The following UBE2E2 variants were observed in gnomAD, a reference collection of about 807,000 sequenced individuals.
The protein encoded by UBE2E2 is ubiquitin-conjugating enzyme E2 E2.
A neutral mutation model predicts 24.7 loss-of-function variants in UBE2E2; 6 were observed. That is an observed-to-expected ratio of 0.24 (90% CI 0.13 to 0.48). The LOEUF is 0.48. Among genes scored for constraint, UBE2E2 ranks in the 20% least tolerant of loss-of-function variants. The probability of loss-of-function intolerance (pLI) is 0.99; values close to 1 mark genes in which losing one functional copy is unlikely to be tolerated. For missense variants in UBE2E2, 169 were observed against 245.0 expected, an observed-to-expected ratio of 0.69 and a Z score of 2.07; for synonymous variants, 104 against 83.6, an observed-to-expected ratio of 1.24 and a Z score of -1.33.
intron 5 of UBE2E2, among the ~76,000 whole-genome samples, chr3:23,549,300 A>C (rs894597403): frequency 6.6e-6 from 1 of 152,200 alleles, no homozygotes; most frequent in Non-Finnish European, 1.5e-5. Context: ...CCTGATCTCT[A>C]CTACATTTAT....
intron 3 of UBE2E2, among the ~76,000 whole-genome samples, chr3:23,383,030 A>G (rs769161564): frequency 2.6e-5 from 4 of 152,200 alleles, no homozygotes; most frequent in Non-Finnish European, 5.9e-5. Context: ...TAAGAGTAAC[A>G]TTTTCCAGTT....
intron 3 of UBE2E2, among the ~76,000 whole-genome samples, chr3:23,293,001 A>G (rs982978198): frequency 2.6e-5 from 4 of 152,192 alleles, no homozygotes; most frequent in Non-Finnish European, 5.9e-5. Context: ...TGAACCTGGG[A>G]GGTGGAGATT....
intron 3 of UBE2E2, among the ~76,000 whole-genome samples, chr3:23,429,650 T>G (rs1313341954): frequency 6.6e-6 from 1 of 152,156 alleles, no homozygotes; most frequent in East Asian, 1.9e-4. Flanking sequence ...TCTTACAGCA[T>G]TGTACTAGAA....
At chr3:23,244,237 G>T (rs1334724345) in intron 3 of UBE2E2, among the ~76,000 whole-genome samples, 1 of 152,008 alleles carries the variant, frequency 6.6e-6, no homozygotes, top group Non-Finnish European at 1.5e-5. Context: ...TATGCCTTAT[G>T]TGAGAATTTT....
intron 3 of UBE2E2, among the ~76,000 whole-genome samples, chr3:23,381,180 A>G (rs1434350509): frequency 6.6e-6 from 1 of 152,188 alleles, no homozygotes; most frequent in African/African-American, 2.4e-5. Context: ...AGTATACACA[A>G]TCTGAAGATC....
intron 3 of UBE2E2, among the ~76,000 whole-genome samples, chr3:23,314,733 A>G (rs1469691215): frequency 6.6e-6 from 1 of 152,200 alleles, no homozygotes; most frequent in East Asian, 1.9e-4. Context: ...TTTTCTGAGT[A>G]GAAGTTTTTT....
intron 3 of UBE2E2, among the ~76,000 whole-genome samples, chr3:23,262,333 T>G (rs748963719): frequency 3.9e-5 from 6 of 152,166 alleles, no homozygotes; most frequent in Non-Finnish European, 7.4e-5. Context: ...CAGGCTGGAC[T>G]GAAGTGGCGC....
intron 3 of UBE2E2, among the ~76,000 whole-genome samples, chr3:23,496,788 G>C (rs1272487170): frequency 6.6e-6 from 1 of 152,094 alleles, no homozygotes. Flanking sequence ...TGGGAGTATA[G>C]TTGCTATGTT....
chr3:23,377,814 G>A (rs1696558436), intron 3 of UBE2E2, among the ~76,000 whole-genome samples: 1 of 152,168 alleles, frequency 6.6e-6, no homozygotes, highest in South Asian at 2.1e-4. Context: ...TATGATAAGA[G>A]CTTAGTAAAT....
chr3:23,490,587 G>A (rs1042158397), intron 3 of UBE2E2, among the ~76,000 whole-genome samples: 7 of 152,074 alleles, frequency 4.6e-5, no homozygotes, highest in Admixed American at 1.3e-4. Flanking sequence ...ATACACGCAC[G>A]TAACACAAAA....
chr3:23,561,713 G>A (rs1268560735), intron 5 of UBE2E2, among the ~76,000 whole-genome samples: 5 of 152,060 alleles, frequency 3.3e-5, no homozygotes, highest in Non-Finnish European at 7.4e-5. Flanking sequence ...AGCATGGAAT[G>A]TTCTTCCATG....
At chr3:23,275,112 T>C (rs1025932772) in intron 3 of UBE2E2, among the ~76,000 whole-genome samples, 1 of 152,222 alleles carries the variant, frequency 6.6e-6, no homozygotes, top group Non-Finnish European at 1.5e-5. Flanking sequence ...CAACCATTGT[T>C]GATGCCCACA....
At chr3:23,535,618 C>CTTTTT (rs67901258) in intron 5 of UBE2E2, among the ~76,000 whole-genome samples, 299 of 85,974 alleles carry the variant, frequency 3.5e-3, no homozygotes, top group Middle Eastern at 0.01. Context: ...ATAGAGCATT[C>CTTTTT]TTTTTTTTTT....
intron 3 of UBE2E2, among the ~76,000 whole-genome samples, chr3:23,483,067 CAG>C (rs1327021510): frequency 1.3e-5 from 2 of 152,162 alleles, no homozygotes; most frequent in African/African-American, 2.4e-5. Context: ...GTCTCTTAAA[CAG>C]AAAGGTAGTG....
chr3:23,367,511 G>A (rs1310442068), intron 3 of UBE2E2, among the ~76,000 whole-genome samples: 1 of 152,182 alleles, frequency 6.6e-6, no homozygotes, highest in Non-Finnish European at 1.5e-5. Flanking sequence ...ACTGCTTGAT[G>A]ACTGATCACG....
chr3:23,548,821 A>G (rs1484192315), intron 5 of UBE2E2, among the ~76,000 whole-genome samples: 2 of 152,188 alleles, frequency 1.3e-5, no homozygotes, highest in East Asian at 1.9e-4. Context: ...CTCTATAACC[A>G]TATGACTCAG....
intron 3 of UBE2E2, among the ~76,000 whole-genome samples, chr3:23,225,592 A>C (rs1696797815): frequency 6.6e-6 from 1 of 152,198 alleles, no homozygotes; most frequent in African/African-American, 2.4e-5. Flanking sequence ...CCTTGTTGGA[A>C]ATCAGTGGAT....
chr3:23,498,177 T>C (rs1225119192), intron 3 of UBE2E2, among the ~76,000 whole-genome samples: 1 of 152,178 alleles, frequency 6.6e-6, no homozygotes, highest in Admixed American at 6.5e-5. Flanking sequence ...ATTTGGTCAC[T>C]TTTATATGAT....
intron 3 of UBE2E2, among the ~76,000 whole-genome samples, chr3:23,233,538 T>C (rs1697024595): frequency 1.3e-5 from 2 of 152,206 alleles, no homozygotes; most frequent in Non-Finnish European, 1.5e-5. Context: ...TTGGATGATA[T>C]CCTAAACATT....
Sources: gnomAD v4.1 joint callset for allele counts (sites outside exome capture counted in the v4.1 genomes callset) on GRCh38, gnomAD v4.1.1 for gene constraint, MANE v1.5 for transcripts, NCBI Gene and HGNC (gene_info 2026-07-23, HGNC 2026-07-21) for gene names.